Variants in KIAA1549L observed in about 807,000 individuals in gnomAD.
KIAA1549L encodes the protein KIAA1549 like, also known as UPF0606 protein KIAA1549L.
KIAA1549L carries 88 observed loss-of-function variants against 160.7 expected under a neutral mutation model. The ratio of observed to expected loss-of-function variants is 0.55; its 90% CI spans 0.46 to 0.65. The LOEUF is 0.65. Ranked by LOEUF, KIAA1549L falls within the 30% of genes least tolerant of loss-of-function variation. The probability of loss-of-function intolerance (pLI) is 0.00; values close to 1 mark genes in which losing one functional copy is unlikely to be tolerated. For synonymous variants in KIAA1549L, 950 were observed against 976.7 expected, an observed-to-expected ratio of 0.97 and a Z score of 0.51; for missense variants, 2,258 against 2,437.5, an observed-to-expected ratio of 0.93 and a Z score of 1.55.
chr11:33,645,294 T>C (rs904877269), intron 16 of KIAA1549L, among the ~76,000 whole-genome samples: 3 of 152,164 alleles, frequency 2.0e-5, no homozygotes, highest in Non-Finnish European at 2.9e-5. Context: ...TCTAGAATGC[T>C]ACCCCTCCAG....
At chr11:33,430,715 C>G (rs1483012441) in intron 1 of KIAA1549L, among the ~76,000 whole-genome samples, 2 of 152,190 alleles carry the variant, frequency 1.3e-5, no homozygotes, top group East Asian at 3.8e-4. Flanking sequence ...CAGCCATGGT[C>G]ATGTTCTAGG....
At chr11:33,656,647 C>T (rs1428543581) in intron 18 of KIAA1549L, among the ~76,000 whole-genome samples, 12 of 152,146 alleles carry the variant, frequency 7.9e-5, no homozygotes, top group African/African-American at 2.9e-4. Context: ...ACAAGAAGAA[C>T]AAAAGCCCTG....
chr11:33,547,297 C>A (rs1854296627), intron 3 of KIAA1549L, among the ~76,000 whole-genome samples: 1 of 152,244 alleles, frequency 6.6e-6, no homozygotes, highest in African/African-American at 2.4e-5. Flanking sequence ...TCCCTTCAAA[C>A]AATACCTGTC....
At chr11:33,536,974 C>T (rs776750542) in intron 1 of KIAA1549L, among the ~76,000 whole-genome samples, 9 of 152,198 alleles carry the variant, frequency 5.9e-5, no homozygotes, top group Non-Finnish European at 1.2e-4. Flanking sequence ...CCCCACCAAA[C>T]TAAAACCTAC....
chr11:33,581,478 C>A (rs1452857143), intron 10 of KIAA1549L, among the ~76,000 whole-genome samples: 1 of 151,790 alleles, frequency 6.6e-6, no homozygotes, highest in Non-Finnish European at 1.5e-5. Flanking sequence ...TGTGTTAACT[C>A]GGAACCGACT....
intron 16 of KIAA1549L, among the ~76,000 whole-genome samples, chr11:33,640,514 A>C (rs1045940454): frequency 6.6e-6 from 1 of 152,214 alleles, no homozygotes; most frequent in African/African-American, 2.4e-5. Flanking sequence ...TCTCCTTGGA[A>C]GTGGAAGAAG....
At chr11:33,472,878 A>G (rs59044984) in intron 1 of KIAA1549L, among the ~76,000 whole-genome samples, 2,454 of 152,104 alleles carry the variant, frequency 0.016, 52 homozygotes, top group African/African-American at 0.055. Flanking sequence ...CCATGCTTCT[A>G]CTTACCTCCA....
rs187606183 is a variant in KIAA1549L, at chr11:33,485,059, C to T, written c.239-56743C>T. ...GCACACTGGCCAGGGGTAGACATAG[C>T]CTCTTTATCATCCACGACCCAGCAC... On this transcript the variant is annotated intron_variant, in intron 1 of 20. Coordinates refer to ENST00000658780, the MANE Select transcript of KIAA1549L (RefSeq NM_012194.3). Among the ~76,000 whole-genome samples, 727 of 152,276 alleles carry T rather than the reference C, an allele frequency of 4.8e-3. 6 individuals carry two copies. The highest frequency in any genetic ancestry group is 0.016 in the African/African-American group (670 of 41,560).
At chr11:33,623,259 G>A (rs972870582) in intron 16 of KIAA1549L, among the ~76,000 whole-genome samples, 6 of 152,172 alleles carry the variant, frequency 3.9e-5, no homozygotes, top group Non-Finnish European at 8.8e-5. Context: ...GCTCCATTGG[G>A]AAGCAATTGG....
chr11:33,455,090 AAAAACAAAAC>A (rs966738827), intron 1 of KIAA1549L, among the ~76,000 whole-genome samples: 1 of 152,126 alleles, frequency 6.6e-6, no homozygotes, highest in African/African-American at 2.4e-5. Context: ...CTCCATCTCA[AAAAACAAAAC>A]AAAACAAAAC....
At chr11:33,464,477 T>C (rs1028287180) in intron 1 of KIAA1549L, among the ~76,000 whole-genome samples, 1 of 103,676 alleles carries the variant, frequency 9.6e-6, no homozygotes, top group African/African-American at 3.7e-5. Flanking sequence ...TGTGTGCATG[T>C]GTGTGTGTGT....
chr11:33,500,234 A>C (rs1398120094), intron 1 of KIAA1549L, among the ~76,000 whole-genome samples: 2 of 152,222 alleles, frequency 1.3e-5, no homozygotes, highest in Non-Finnish European at 2.9e-5. Flanking sequence ...GAGAGAGGTT[A>C]AGTAACTGTT....
At chr11:33,649,390 A>G (rs1023520491) in intron 17 of KIAA1549L, among the ~76,000 whole-genome samples, 7 of 149,990 alleles carry the variant, frequency 4.7e-5, no homozygotes, top group Admixed American at 3.3e-4. Context: ...AGTCCTAGCT[A>G]CTTGGGAGGC....
chr11:33,596,148 T>C (rs1262336650), intron 12 of KIAA1549L, among the ~76,000 whole-genome samples: 1 of 152,192 alleles, frequency 6.6e-6, no homozygotes, highest in Non-Finnish European at 1.5e-5. Context: ...TTGCATTCAG[T>C]AGCCTCAAAC....
chr11:33,378,117 T>C (rs565095959), intron 1 of KIAA1549L, among the ~76,000 whole-genome samples: 1 of 152,346 alleles, frequency 6.6e-6, no homozygotes, highest in African/African-American at 2.4e-5. Context: ...GCATAATTGT[T>C]AAAAGATAAG....
rs1290813217 is a variant in KIAA1549L at position 33,503,415 on chromosome 11, G to A, written c.239-38387G>A. The stretch of plus-strand genomic sequence containing the variant: ...CATTATTCCAGTACATGTCTTTGGT[G>A]AACATGTGTAGTCATTTCTATTGTA... On this transcript the variant is annotated intron_variant, in intron 1 of 20. Transcript: ENST00000658780. 2.0e-5 allele frequency among the ~76,000 whole-genome samples: 3 copies of A among 152,138 alleles called. No homozygotes were observed. In the East Asian group the frequency reaches 5.8e-4, roughly 29 times the overall value.
rs1348708139 is a variant in KIAA1549L, at chr11:33,545,204, G to T, written c.3211G>T (p.Val1071Phe). Residue 1071 changes from valine to phenylalanine, a missense_variant, in exon 3 of 21, where the codon GTC becomes TTC. Val to Phe is a conservative substitution (Grantham distance 50, BLOSUM62 -1). Coordinates refer to ENST00000658780, the MANE Select transcript of KIAA1549L (RefSeq NM_012194.3). ...AGCATCCACGCCACGCCCACTGACAGTCACGGCCGCGCTGACATCCATTAC... is the reference window on the plus strand; with the variant it reads ...AGCATCCACGCCACGCCCACTGACATTCACGGCCGCGCTGACATCCATTAC... ...PRASTPRPLT[V>F]TAALTSITAS... 6.2e-7 allele frequency: 1 copy of T among 1,614,036 alleles called. No individual in the cohort carries two copies. The highest frequency in any genetic ancestry group is 1.1e-5 in the South Asian group (1 of 91,084).
At chr11:33,624,692 GC>G (rs1851049086) in intron 16 of KIAA1549L, among the ~76,000 whole-genome samples, 1 of 150,872 alleles carries the variant, frequency 6.6e-6, no homozygotes, top group South Asian at 2.1e-4. Flanking sequence ...TATGCACAGG[GC>G]CACATAGGCT....
At chr11:33,525,083 C>T (rs1431877124) in intron 1 of KIAA1549L, among the ~76,000 whole-genome samples, 1 of 152,120 alleles carries the variant, frequency 6.6e-6, no homozygotes, top group African/African-American at 2.4e-5. Flanking sequence ...ACATGCACCT[C>T]CCACGTGGAT....
Sources: gnomAD v4.1 joint callset for allele counts (sites outside exome capture counted in the v4.1 genomes callset) on GRCh38, gnomAD v4.1.1 for gene constraint, MANE v1.5 for transcripts, NCBI Gene and HGNC (gene_info 2026-07-23, HGNC 2026-07-21) for gene names.